The following RYR2 variants were observed in gnomAD, a reference collection of about 807,000 sequenced individuals.
RYR2 encodes ryanodine receptor 2.
A neutral mutation model predicts 601.1 loss-of-function variants in RYR2; 227 were observed. The observed-to-expected ratio is 0.38, with a 90% CI of 0.34 to 0.42. The LOEUF is 0.42. RYR2 is among the 10% of genes least tolerant of loss of function. The probability of loss-of-function intolerance (pLI) is 1.00; values close to 1 mark genes in which losing one functional copy is unlikely to be tolerated. For synonymous variants in RYR2, 2,223 were observed against 2,175.1 expected (o/e 1.02, Z -0.61); for missense variants, 4,646 against 6,156.5 (o/e 0.75, Z 8.21).
intron 22 of RYR2, among the ~76,000 whole-genome samples, chr1:237,505,663 T>A (rs192492193): frequency 7.6e-4 from 115 of 152,296 alleles, no homozygotes; most frequent in African/African-American, 2.6e-3. Flanking sequence ...ACTTAAGGAT[T>A]ACCTGAGACC....
intron 62 of RYR2, among the ~76,000 whole-genome samples, chr1:237,682,073 T>C (rs1335180788): frequency 6.6e-6 from 1 of 152,208 alleles, no homozygotes; most frequent in East Asian, 1.9e-4. Context: ...TGTCTTGTGT[T>C]TTATTATCTC....
chr1:237,621,062 A>AT lies in RYR2; in HGVS notation c.5917-2696dup, dbSNP rs201462796. Reference sequence around the variant, plus strand: ...ATTTTTAAAAGTTGAAATCATACACATTTTTTTATCACATTGTTATCAAAT... The same window carrying AT: ...ATTTTTAAAAGTTGAAATCATACACATTTTTTTTATCACATTGTTATCAAAT... On this transcript the variant is annotated intron_variant, in intron 38 of 104. Coordinates refer to ENST00000366574, the MANE Select transcript of RYR2 (RefSeq NM_001035.3). Among the ~76,000 whole-genome samples the AT allele has an allele frequency of 7.2e-3, 1,099 of 152,236 alleles. 11 individuals carry two copies. The highest frequency in any genetic ancestry group is 0.016 in the African/African-American group (672 of 41,554).
At chr1:237,526,599 G>C (rs927125374) in intron 24 of RYR2, among the ~76,000 whole-genome samples, 6 of 152,008 alleles carry the variant, frequency 3.9e-5, no homozygotes, top group African/African-American at 1.4e-4. Flanking sequence ...CTCCTGCCTC[G>C]GCCTCCCAAA....
intron 58 of RYR2, among the ~76,000 whole-genome samples, chr1:237,670,691 C>A (rs564328933): frequency 6.6e-6 from 1 of 152,244 alleles, no homozygotes; most frequent in Admixed American, 6.5e-5. Context: ...TATCTTATTA[C>A]AGGTTGATTA....
chr1:237,493,169 G>A, intron 19 of RYR2, 82 bp downstream of exon 19: 1 of 1,499,762 alleles, frequency 6.7e-7, no homozygotes, highest in Non-Finnish European at 9.2e-7. Flanking sequence ...ATACTATATG[G>A]TCTGTTTTTT....
intron 1 of RYR2, among the ~76,000 whole-genome samples, chr1:237,126,140 C>T (rs775264202): frequency 4.0e-5 from 6 of 151,498 alleles, no homozygotes; most frequent in African/African-American, 7.3e-5. Flanking sequence ...GGGAGGCTGA[C>T]GCAGGAGAAT....
intron 1 of RYR2, among the ~76,000 whole-genome samples, chr1:237,085,760 T>A (rs916511022): frequency 4.0e-5 from 6 of 151,648 alleles, no homozygotes; most frequent in African/African-American, 1.5e-4. Flanking sequence ...GCTTCTGACT[T>A]TTTTTTTGAG....
At chr1:237,709,618 T>C in intron 70 of RYR2, 51 bp downstream of exon 70, 2 of 1,118,070 alleles carry the variant, frequency 1.8e-6, no homozygotes, top group Non-Finnish European at 2.6e-6. Context: ...AGGCACCTGC[T>C]TACTTGCCTC....
At position 237,610,193 on chromosome 1, in the gene RYR2, A is replaced by G. The variant is rs1003343508; in HGVS notation, c.4684-569A>G. 3.3e-5 allele frequency among the ~76,000 whole-genome samples: 5 copies of G among 152,236 alleles called. No individual in the cohort carries two copies. Among genetic ancestry groups the G allele is most frequent in the African/African-American group, 1.2e-4 (5 of 41,466 alleles). On this transcript the variant is annotated intron_variant, in intron 35 of 104. Coordinates refer to ENST00000366574, the MANE Select transcript of RYR2 (RefSeq NM_001035.3). This position sits in a 1 kb window ranked among gnomAD's most constrained non-coding sequence, Gnocchi z 4.9. ...CAGAAAGAATTAAGGATGGCTGAAG[A>G]TGATACTGGAGGTGGAGGAGAAATA...
At chr1:237,663,350 T>G (rs1683985762) in intron 56 of RYR2, among the ~76,000 whole-genome samples, 1 of 152,210 alleles carries the variant, frequency 6.6e-6, no homozygotes. Flanking sequence ...AAGGAACACT[T>G]TTTATAGCAT....
chr1:237,205,409 T>C (rs1179657767), intron 1 of RYR2, among the ~76,000 whole-genome samples: 1 of 152,162 alleles, frequency 6.6e-6, no homozygotes, highest in African/African-American at 2.4e-5. Flanking sequence ...ACAAGCTGTT[T>C]ACAGCATCCT....
At chr1:237,246,983 G>T (rs1211373995) in intron 1 of RYR2, among the ~76,000 whole-genome samples, 2 of 152,150 alleles carry the variant, frequency 1.3e-5, no homozygotes, top group African/African-American at 4.8e-5. Context: ...CTTATTTCTT[G>T]TGGTCCTACA....
intron 34 of RYR2, among the ~76,000 whole-genome samples, chr1:237,596,545 T>C (rs1412905186): frequency 6.6e-6 from 1 of 152,062 alleles, no homozygotes; most frequent in Non-Finnish European, 1.5e-5. Context: ...AAAAAGCCTA[T>C]AGAACTTATG....
At chr1:237,487,093 T>G (rs546375932) in intron 17 of RYR2, among the ~76,000 whole-genome samples, 2 of 152,298 alleles carry the variant, frequency 1.3e-5, no homozygotes, top group South Asian at 4.1e-4. Context: ...AATACTGTTA[T>G]GATCTGCCAA....
At chr1:237,471,097 C>A (rs1019030452) in intron 17 of RYR2, 1 of 154,440 alleles carries the variant, frequency 6.5e-6, no homozygotes, top group African/African-American at 2.4e-5. Flanking sequence ...CCACCCTAAT[C>A]TTATGCAAAC....
intron 1 of RYR2, among the ~76,000 whole-genome samples, chr1:237,225,585 A>T (rs1342963728): frequency 6.6e-6 from 1 of 152,182 alleles, no homozygotes; most frequent in Non-Finnish European, 1.5e-5. Flanking sequence ...GCTACAATTC[A>T]AGATGAAAGT....
At chr1:237,417,915 A>G (rs1705173262) in intron 11 of RYR2, among the ~76,000 whole-genome samples, 1 of 152,146 alleles carries the variant, frequency 6.6e-6, no homozygotes, top group Admixed American at 6.5e-5. Context: ...TGGGTTTTAA[A>G]GACTTTATTG....
chr1:237,475,177 A>G (rs1315969164), intron 17 of RYR2, among the ~76,000 whole-genome samples: 1 of 152,338 alleles, frequency 6.6e-6, no homozygotes, highest in Non-Finnish European at 1.5e-5. Context: ...TCAATAAGTG[A>G]GCTAACACAG....
At chr1:237,473,247 A>G (rs1352599114) in intron 17 of RYR2, among the ~76,000 whole-genome samples, 1 of 151,900 alleles carries the variant, frequency 6.6e-6, no homozygotes, top group African/African-American at 2.4e-5. Flanking sequence ...AACATGATGA[A>G]ACCCTGTCTC....
Sources: gnomAD v4.1 joint callset for allele counts (sites outside exome capture counted in the v4.1 genomes callset) on GRCh38, gnomAD v4.1.1 for gene constraint, Gnocchi (gnomAD v3.1) non-coding constraint, MANE v1.5 for transcripts, NCBI Gene and HGNC (gene_info 2026-07-23, HGNC 2026-07-21) for gene names.